INTU: variants seen among roughly 807,000 people sequenced by gnomAD.
INTU encodes the protein protein inturned.
INTU carries 68 observed loss-of-function variants against 100.5 expected under a neutral mutation model. The observed-to-expected ratio is 0.68, with a 90% CI of 0.56 to 0.83. The LOEUF (loss-of-function observed/expected upper bound fraction) is 0.83. INTU is among the 40% of genes least tolerant of loss of function. The probability of loss-of-function intolerance (pLI) is 0.00; values close to 1 mark genes in which losing one functional copy is unlikely to be tolerated. For missense variants in INTU, 1,071 were observed against 1,114.7 expected, an observed-to-expected ratio of 0.96 and a Z score of 0.56; for synonymous variants, 357 against 395.7, an observed-to-expected ratio of 0.90 and a Z score of 1.16.
intron 1 of INTU, among the ~76,000 whole-genome samples, chr4:127,637,675 T>G (rs910065061): frequency 6.6e-6 from 1 of 152,202 alleles, no homozygotes; most frequent in Non-Finnish European, 1.5e-5. Context: ...AGCCATTTGA[T>G]TCTCTGTCCC....
Position 127,722,604 on chromosome 4 carries a change from CTT to C in INTU, c.*6169_*6170del, listed in dbSNP as rs946064165. The C allele has an allele frequency of 3.3e-5, 5 of 152,500 alleles. No individual in the cohort carries two copies. The highest frequency in any genetic ancestry group is 1.2e-4 in the African/African-American group (5 of 41,472). The allele number at this position is 152,500 out of a possible 1,614,324, so 9.4% of individuals were successfully genotyped here. A position where few individuals can be genotyped will look rare whatever the true frequency, so the allele number is the denominator to read the frequency against. On this transcript the variant is annotated 3_prime_UTR_variant, in exon 16 of 16. Transcript: ENST00000335251. ...GCCATCCTTCCTCCTAGGGGCTCCT[CTT>C]GGGGTTATCAGCGTTTTGTCCATAA...
rs531354373 is a variant in INTU at position 127,698,318 on chromosome 4, C to A, written c.1450-1692C>A. On this transcript the variant is annotated intron_variant, in intron 8 of 15. Coordinates refer to ENST00000335251, the MANE Select transcript of INTU (RefSeq NM_015693.4). The stretch of plus-strand genomic sequence containing the variant: ...TCTACTAAAAATACAAAAAATTAGG[C>A]AGGCGTGGTGGCGGGCGCCTGTAGT... Among the ~76,000 whole-genome samples the A allele has an allele frequency of 1.3e-3, 193 of 151,828 alleles. 1 individual carries two copies. The highest frequency in any genetic ancestry group is 4.4e-3 in the African/African-American group (184 of 41,390).
intron 8 of INTU, among the ~76,000 whole-genome samples, chr4:127,698,993 C>T (rs1730520637): frequency 6.6e-6 from 1 of 152,072 alleles, no homozygotes; most frequent in Admixed American, 6.5e-5. Context: ...AAAGGCATGA[C>T]TAATATTTCA....
rs896726388 is a variant in INTU at position 127,683,155 on chromosome 4, G to T, written c.1182-1254G>T. The stretch of plus-strand genomic sequence containing the variant: ...TAATTTCTCAATCTTTATTAAACAG[G>T]GTGGGGGAAGGGAGGCCATCTTCCC... On this transcript the variant is annotated intron_variant, in intron 6 of 15. Coordinates refer to ENST00000335251, the MANE Select transcript of INTU (RefSeq NM_015693.4). Among the ~76,000 whole-genome samples, 20 of 152,260 alleles carry T rather than the reference G, an allele frequency of 1.3e-4. No individual in the cohort carries two copies. In the East Asian group the frequency reaches 3.7e-3, roughly 28 times the overall value.
chr4:127,678,784 C>T (rs994518886), intron 6 of INTU, among the ~76,000 whole-genome samples: 1 of 152,110 alleles, frequency 6.6e-6, no homozygotes, highest in Non-Finnish European at 1.5e-5. Flanking sequence ...ACTAAATGCT[C>T]CAGTTAAAAG....
chr4:127,676,638 A>C (rs192529439), intron 6 of INTU, among the ~76,000 whole-genome samples: 1 of 151,950 alleles, frequency 6.6e-6, no homozygotes, highest in East Asian at 1.9e-4. Context: ...CCGAATAGGA[A>C]CAGGTCCAGT....
chr4:127,638,215 T>C (rs1727159082), intron 1 of INTU, among the ~76,000 whole-genome samples: 1 of 152,200 alleles, frequency 6.6e-6, no homozygotes, highest in Non-Finnish European at 1.5e-5. Context: ...ACAGTGTTTT[T>C]ATTGTGTGTG....
Position 127,718,382 on chromosome 4 carries a change from G to A in INTU, c.*1946G>A, listed in dbSNP as rs561862670. 6.6e-6 allele frequency: 1 copy of A among 152,052 alleles called. No individual in the cohort carries two copies. Among genetic ancestry groups the A allele is most frequent in the East Asian group, 1.9e-4 (1 of 5,196 alleles). 9.4% of individuals were successfully genotyped at this position (152,052 alleles called of 1,614,324 possible). ...CCAGTACCATGATGTTTTGGTTATTGTACCCTTACAGTACAGTTTGAAGTT... is the reference window on the plus strand; with the variant it reads ...CCAGTACCATGATGTTTTGGTTATTATACCCTTACAGTACAGTTTGAAGTT... On this transcript the variant is annotated 3_prime_UTR_variant, in exon 16 of 16. Transcript: ENST00000335251.
chr4:127,711,001 G>T lies in INTU; in HGVS notation c.2458G>T (p.Val820Leu). ...GIFITPTLEE[V>L]AQLSGSIHPQ... The stretch of plus-strand genomic sequence containing the variant: ...CTTTATTACTCCTACCCTTGAAGAG[G>T]TGGCACAGCTAAGTGGCTCTATCCA... Residue 820 changes from valine (V) to leucine (L), a missense_variant, in exon 14 of 16, where the codon GTG becomes TTG. Physicochemically the swap from Val to Leu is conservative, Grantham distance 32. Coordinates refer to ENST00000335251, the MANE Select transcript of INTU (RefSeq NM_015693.4). 1.9e-6 allele frequency: 3 copies of T among 1,608,012 alleles called. No homozygotes were observed. Among genetic ancestry groups the T allele is most frequent in the Non-Finnish European group, 2.6e-6 (3 of 1,175,996 alleles).
chr4:127,710,627 T>C (rs1731057955), intron 13 of INTU, among the ~76,000 whole-genome samples: 1 of 152,210 alleles, frequency 6.6e-6, no homozygotes, highest in Non-Finnish European at 1.5e-5. Context: ...TTGGGTTGTT[T>C]AGCAAAGGAA....
chr4:127,632,965 C>T lies in INTU; in HGVS notation c.-70C>T. On this transcript the variant is annotated 5_prime_UTR_variant, in exon 1 of 16. Coordinates refer to ENST00000335251, the MANE Select transcript of INTU (RefSeq NM_015693.4). Reference sequence around the variant, plus strand: ...TCTGCCCCTTCCCAAGCAGAGGCAACATGGCGGCCTTAGCAAGCTATAGCT... The same window carrying T: ...TCTGCCCCTTCCCAAGCAGAGGCAATATGGCGGCCTTAGCAAGCTATAGCT... The T allele has an allele frequency of 2.0e-6, 3 of 1,508,886 alleles. No individual in the cohort carries two copies. The highest frequency in any genetic ancestry group is 2.5e-5 in the South Asian group (2 of 80,626). 93.5% of individuals were successfully genotyped at this position (1,508,886 alleles called of 1,614,324 possible).
Position 127,643,760 on chromosome 4 carries a change from A to G in INTU, c.386A>G (p.Asn129Ser). The change falls in exon 2 of 16, where the codon AAT becomes AGT. Residue 129 changes from asparagine (N) to serine (S), a missense_variant. Transcript: ENST00000335251. ...AAAAGACTTTTACCCAAGCGCTGCAATAAAAAAAATAGCAATGACAATGGA... is the reference window on the plus strand; with the variant it reads ...AAAAGACTTTTACCCAAGCGCTGCAGTAAAAAAAATAGCAATGACAATGGA... ...RRKRLLPKRC[N>S]KKNSNDNGPV... is the part of the protein sequence containing the mutation. 6.2e-7 allele frequency: 1 copy of G among 1,613,336 alleles called. No homozygotes were observed.
At chr4:127,679,289 A>G (rs1376163891) in intron 6 of INTU, among the ~76,000 whole-genome samples, 4 of 152,206 alleles carry the variant, frequency 2.6e-5, no homozygotes, top group Non-Finnish European at 4.4e-5. Flanking sequence ...CCCCAAATCA[A>G]CAGAATATAC....
At chr4:127,689,365 A>T (rs1044549158) in intron 8 of INTU, among the ~76,000 whole-genome samples, 1 of 152,020 alleles carries the variant, frequency 6.6e-6, no homozygotes, top group Non-Finnish European at 1.5e-5. Flanking sequence ...ATATATAAGC[A>T]TTGGCTGGGC....
At chr4:127,688,407 A>G (rs540418916) in intron 8 of INTU, among the ~76,000 whole-genome samples, 8 of 152,352 alleles carry the variant, frequency 5.3e-5, no homozygotes, top group Non-Finnish European at 1.0e-4. Flanking sequence ...TGAACCTAGA[A>G]TAACTTTATT....
chr4:127,698,362 A>G (rs1578621621), intron 8 of INTU, among the ~76,000 whole-genome samples: 1 of 151,548 alleles, frequency 6.6e-6, no homozygotes, highest in South Asian at 2.1e-4. Flanking sequence ...CTCGGGAGGC[A>G]GAGGCAGGAG....
chr4:127,679,191 C>G (rs1729388352), intron 6 of INTU, among the ~76,000 whole-genome samples: 3 of 151,906 alleles, frequency 2.0e-5, no homozygotes, highest in Non-Finnish European at 4.4e-5. Flanking sequence ...TTAGACAGAT[C>G]AATGAGACAG....
rs1731413468 is a variant in INTU at position 127,726,117 on chromosome 4, C to A, written c.*9681C>A. The A allele has an allele frequency of 6.6e-6, 1 of 152,008 alleles. No individual in the cohort carries two copies. Among genetic ancestry groups the A allele is most frequent in the African/African-American group, 2.4e-5 (1 of 41,390 alleles). 9.4% of individuals were successfully genotyped at this position (152,008 alleles called of 1,614,324 possible). On this transcript the variant is annotated 3_prime_UTR_variant, in exon 16 of 16. Transcript: ENST00000335251. ...ACTGTCTCATTATCATATGTTTAGC[C>A]CCCCCAAAATTACATTTTAGACTCT... is the stretch of plus-strand genomic sequence containing the variant.
At chr4:127,646,050 G>A (rs1727570313) in intron 2 of INTU, among the ~76,000 whole-genome samples, 1 of 151,990 alleles carries the variant, frequency 6.6e-6, no homozygotes, top group African/African-American at 2.4e-5. Flanking sequence ...TGGGCCTTGT[G>A]GTGCATGCCT....
Sources: allele counts gnomAD v4.1 joint callset (sites outside exome capture counted in the v4.1 genomes callset), GRCh38; gene constraint gnomAD v4.1.1; transcripts MANE v1.5; gene names NCBI Gene and HGNC (gene_info 2026-07-23, HGNC 2026-07-21).